TRHDE: variants seen among roughly 807,000 people sequenced by gnomAD.
TRHDE encodes the protein thyrotropin releasing hormone degrading enzyme.
TRHDE carries 72 observed loss-of-function variants against 125.7 expected under a neutral mutation model. The ratio of observed to expected loss-of-function variants is 0.57; its 90% confidence interval spans 0.47 to 0.70. The LOEUF is 0.70. TRHDE is among the 30% of genes least tolerant of loss of function. The pLI is 0.00. For synonymous variants in TRHDE, 509 were observed against 509.1 expected (o/e 1.00, Z 0.00); for missense variants, 1,110 against 1,327.1 (o/e 0.84, Z 2.54).
At chr12:72,298,285 A>G (rs986118737) in intron 2 of TRHDE, among the ~76,000 whole-genome samples, 1 of 152,144 alleles carries the variant, frequency 6.6e-6, no homozygotes, top group Non-Finnish European at 1.5e-5. Context: ...CCTTCAGTAG[A>G]GAGGAAGGAG....
chr12:72,559,719 G>T (rs1000498438), intron 7 of TRHDE, among the ~76,000 whole-genome samples: 1 of 152,078 alleles, frequency 6.6e-6, no homozygotes, highest in Non-Finnish European at 1.5e-5. Flanking sequence ...TGTAAACTTA[G>T]ATTTCCATTT....
intron 7 of TRHDE, among the ~76,000 whole-genome samples, chr12:72,546,307 T>C (rs976663710): frequency 2.0e-5 from 3 of 151,676 alleles, no homozygotes; most frequent in Admixed American, 6.6e-5. Context: ...CTGCCAAACC[T>C]TCAGCTGAGA....
chr12:72,517,005 TG>T (rs1395208125), intron 6 of TRHDE, among the ~76,000 whole-genome samples: 1 of 152,098 alleles, frequency 6.6e-6, no homozygotes, highest in African/African-American at 2.4e-5. Context: ...CACTTGATCA[TG>T]GTGGATAAGC....
At chr12:72,285,929 G>A (rs1448613553) in intron 1 of TRHDE, among the ~76,000 whole-genome samples, 2 of 152,154 alleles carry the variant, frequency 1.3e-5, no homozygotes, top group African/African-American at 2.4e-5. Context: ...GGCTTGATCT[G>A]TATAAATATT....
intron 1 of TRHDE, among the ~76,000 whole-genome samples, chr12:72,276,401 C>T (rs1349913661): frequency 6.6e-6 from 1 of 152,196 alleles, no homozygotes; most frequent in Non-Finnish European, 1.5e-5. Context: ...ATGCTTAAAA[C>T]AGCAATACTA....
chr12:72,378,349 G>A (rs1871992564), intron 3 of TRHDE, among the ~76,000 whole-genome samples: 1 of 152,126 alleles, frequency 6.6e-6, no homozygotes, highest in Admixed American at 6.5e-5. Flanking sequence ...TGTTAGTTTA[G>A]GATTCCAAAA....
rs991870332 is a variant in TRHDE at position 72,568,493 on chromosome 12, G to T, written c.2043-75G>T. The stretch of plus-strand genomic sequence containing the variant: ...GAGAGTAATAAAAATCACACAGAAG[G>T]CGCATGGGAAATGTTTTTTGTTTTT... On this transcript the variant is annotated intron_variant, in intron 9 of 18. Coordinates refer to ENST00000261180, the MANE Select transcript of TRHDE (RefSeq NM_013381.3). 4 of 1,033,178 alleles carry T rather than the reference G, an allele frequency of 3.9e-6. No individual in the cohort carries two copies. In the African/African-American group the frequency reaches 6.4e-5, roughly 17 times the overall value. 64.0% of individuals were successfully genotyped at this position (1,033,178 alleles called of 1,614,324 possible).
At chr12:72,588,000 A>C (rs1451179013) in intron 12 of TRHDE, among the ~76,000 whole-genome samples, 1 of 152,214 alleles carries the variant, frequency 6.6e-6, no homozygotes, top group East Asian at 1.9e-4. Flanking sequence ...TCTGAAGTGT[A>C]TATCCACAAT....
In TRHDE at chr12:72,272,719, A is replaced by AAGGAGGAGGAGGAGG. The variant is rs35448406; in HGVS notation, c.86_100dup (p.Glu29_Glu33dup). ...GAAGAAAAAGAAGAGGAAGAAGAAG[A>AAGGAGGAGGAGGAGG]AGGAGGAGGAGGAGGAGGAGGAGGG... On this transcript the variant is annotated inframe_insertion, in exon 1 of 19. Coordinates refer to ENST00000261180, the MANE Select transcript of TRHDE (RefSeq NM_013381.3). The surrounding 1 kb of genome is among the most constrained non-coding windows in gnomAD (Gnocchi z 6.7). 1.5e-5 allele frequency: 15 copies of AAGGAGGAGGAGGAGG among 1,000,780 alleles called. No homozygotes were observed. Among genetic ancestry groups the AAGGAGGAGGAGGAGG allele is most frequent in the African/African-American group, 5.2e-5 (3 of 57,286 alleles). 62.0% of individuals were successfully genotyped at this position (1,000,780 alleles called of 1,614,324 possible).
intron 6 of TRHDE, among the ~76,000 whole-genome samples, chr12:72,514,908 A>G (rs1458551824): frequency 1.4e-5 from 2 of 148,142 alleles, no homozygotes; most frequent in Admixed American, 6.8e-5. Context: ...TGTTCTTGCG[A>G]TAGTTTACTG....
chr12:72,424,607 T>G (rs987670299), intron 3 of TRHDE, among the ~76,000 whole-genome samples: 1 of 152,184 alleles, frequency 6.6e-6, no homozygotes, highest in African/African-American at 2.4e-5. Flanking sequence ...AACTAACATG[T>G]GGACCAACTC....
In TRHDE at chr12:72,273,259, T is replaced by C; in HGVS notation, c.616T>C (p.Phe206Leu). The C allele has an allele frequency of 6.2e-7, 1 of 1,614,048 alleles. No individual in the cohort carries two copies. Among genetic ancestry groups the C allele is most frequent in the Middle Eastern group, 1.7e-4 (1 of 6,060 alleles). Residue 206 changes from phenylalanine to leucine, a missense_variant, in exon 1 of 19, where the codon TTC becomes CTC. By Grantham distance (22) the Phe-to-Leu change is conservative. This residue lies in a region of TRHDE where 72 missense variants were observed against 122.2 expected (regional missense o/e 0.59). Transcript: ENST00000261180. This position sits in a 1 kb window ranked among gnomAD's most constrained non-coding sequence, Gnocchi z 5.3. ...GATGCTCACCGCCTTCATGGAGAAC[T>C]TCACCTTCTCCGGGGAGGTCAACGT... is the stretch of plus-strand genomic sequence containing the variant. ...NLMLTAFMEN[F>L]TFSGEVNVEI...
chr12:72,309,639 A>G (rs1403744885), intron 2 of TRHDE: 3 of 151,990 alleles, frequency 2.0e-5, no homozygotes, highest in Non-Finnish European at 4.4e-5. Flanking sequence ...AGAGAAGTTT[A>G]TGTGTTGAGA....
rs763126139 is a variant in TRHDE, at chr12:72,449,007, CA to C, written c.1316-20750del. 3.9e-5 allele frequency among the ~76,000 whole-genome samples: 6 copies of C among 152,036 alleles called. No homozygotes were observed. The South Asian group carries it at 1.2e-3, about 32-fold the overall frequency. ...GAAATGAAACATTTGTATATTGTAG[CA>C]GTCGGTACTGTGCCATATATATTTT... On this transcript the variant is annotated intron_variant, in intron 3 of 18. Coordinates refer to ENST00000261180, the MANE Select transcript of TRHDE (RefSeq NM_013381.3).
At chr12:72,534,731 A>G (rs1860188362) in intron 6 of TRHDE, among the ~76,000 whole-genome samples, 2 of 152,278 alleles carry the variant, frequency 1.3e-5, no homozygotes, top group Admixed American at 6.6e-5. Flanking sequence ...TATCATTATT[A>G]TTAATGGTGG....
intron 2 of TRHDE, among the ~76,000 whole-genome samples, chr12:72,376,236 C>A (rs1024137605): frequency 3.3e-5 from 5 of 152,168 alleles, no homozygotes; most frequent in Non-Finnish European, 7.3e-5. Context: ...GAAATTGCAC[C>A]CTTGCTTAGT....
intron 1 of TRHDE, among the ~76,000 whole-genome samples, chr12:72,096,810 TG>T (rs1454935039): frequency 6.6e-6 from 1 of 152,200 alleles, no homozygotes; most frequent in African/African-American, 2.4e-5. Context: ...TCTCAAGCAT[TG>T]TCACAAAGAC....
rs117877318 is a variant in TRHDE, at chr12:72,416,580, T to C, written c.1315+38459T>C. On this transcript the variant is annotated intron_variant, in intron 3 of 18. Transcript: ENST00000261180. ...GTATGGTGAGAGATAGAGGTCTAGT[T>C]TCATTCTTCTGCATATGGATGTCCA... Among the ~76,000 whole-genome samples the C allele has an allele frequency of 9.9e-3, 1,506 of 152,216 alleles. 28 individuals carry two copies. Among genetic ancestry groups the C allele is most frequent in the Middle Eastern group, 0.031 (9 of 294 alleles).
At chr12:72,225,646 T>A (rs562648064) in intron 2 of TRHDE, among the ~76,000 whole-genome samples, 6 of 152,328 alleles carry the variant, frequency 3.9e-5, no homozygotes, top group African/African-American at 1.4e-4. Context: ...AGGTCAACTG[T>A]ATTGTTTCTT....
Sources: allele counts gnomAD v4.1 joint callset (sites outside exome capture counted in the v4.1 genomes callset), GRCh38; gene constraint gnomAD v4.1.1; regional missense constraint gnomAD v4.1.1; non-coding constraint Gnocchi (gnomAD v3.1); transcripts MANE v1.5; gene names NCBI Gene and HGNC (gene_info 2026-07-23, HGNC 2026-07-21).